ROBO2: variants seen among roughly 807,000 people sequenced by gnomAD.
The protein encoded by ROBO2 is roundabout homolog 2.
Under a neutral mutation model 160.8 loss-of-function variants are expected in ROBO2, and 53 were observed. The observed-to-expected ratio is 0.33, with a 90% confidence interval of 0.26 to 0.41. The LOEUF is 0.41. Ranked by LOEUF, ROBO2 falls within the 10% of genes least tolerant of loss-of-function variation. ROBO2 has a pLI of 1.00. For synonymous variants in ROBO2, 664 were observed against 611.7 expected (o/e 1.09, Z -1.26); for missense variants, 1,577 against 1,722.4 (o/e 0.92, Z 1.49).
At chr3:77,202,464 C>T (rs1036438657) in intron 2 of ROBO2, among the ~76,000 whole-genome samples, 30 of 152,074 alleles carry the variant, frequency 2.0e-4, no homozygotes, top group African/African-American at 7.0e-4. Flanking sequence ...CATCTGTCAT[C>T]CTTTTCATTA....
intron 2 of ROBO2, among the ~76,000 whole-genome samples, chr3:76,440,144 G>T (rs10222507): frequency 0.061 from 9,252 of 152,144 alleles, 959 homozygotes; most frequent in African/African-American, 0.21. Context: ...GAAATGATGT[G>T]GGGGGAAAGC....
intron 2 of ROBO2, among the ~76,000 whole-genome samples, chr3:76,897,198 T>C (rs1217863259): frequency 1.3e-5 from 2 of 152,170 alleles, no homozygotes; most frequent in Non-Finnish European, 2.9e-5. Flanking sequence ...TGAAACAGGA[T>C]TGAAATTTAG....
In ROBO2 at chr3:77,602,636, TTGAG is replaced by T. The variant is rs2094451118; in HGVS notation, c.3136+147_3136+150del. The T allele has an allele frequency of 5.1e-6, 5 of 983,302 alleles. No individual in the cohort carries two copies. The Admixed American group carries it at 8.0e-5, about 16-fold the overall frequency. 60.9% of individuals were successfully genotyped at this position (983,302 alleles called of 1,614,324 possible). On this transcript the variant is annotated intron_variant, in intron 20 of 25. Transcript: ENST00000461745. Reference sequence around the variant, plus strand: ...AAGATACCAGCATGTTTCCAGTAACTTGAGTAATTCCTACCACCACCACCGCCAC... The same window carrying T: ...AAGATACCAGCATGTTTCCAGTAACTTAATTCCTACCACCACCACCGCCAC...
Position 76,162,044 on chromosome 3 carries a change from T to C in ROBO2, c.109+224442T>C, listed in dbSNP as rs182094758. Among the ~76,000 whole-genome samples, 163 of 152,322 alleles carry C rather than the reference T, an allele frequency of 1.1e-3. 1 individual carries two copies. Among genetic ancestry groups the C allele is most frequent in the African/African-American group, 3.8e-3 (159 of 41,580 alleles). ...CTTTAGTTCTGATAGCCTTGAGCTC[T>C]TGCTACCATGAGTCATGACTGAAAA... On this transcript the variant is annotated intron_variant, in intron 2 of 26. Coordinates refer to the ROBO2 transcript ENST00000487694.
intron 2 of ROBO2, among the ~76,000 whole-genome samples, chr3:76,625,793 G>C (rs1399150583): frequency 6.6e-6 from 1 of 152,182 alleles, no homozygotes; most frequent in Admixed American, 6.5e-5. Context: ...TACAGGACTT[G>C]TAAGCCAATA....
chr3:77,043,622 T>C (rs1213569107), intron 1 of ROBO2, among the ~76,000 whole-genome samples: 3 of 152,190 alleles, frequency 2.0e-5, no homozygotes, highest in Non-Finnish European at 4.4e-5. Flanking sequence ...TTCTGTATGA[T>C]CATATAGGAG....
intron 2 of ROBO2, among the ~76,000 whole-genome samples, chr3:76,683,570 G>T (rs1306382608): frequency 6.6e-6 from 1 of 151,204 alleles, no homozygotes; most frequent in Non-Finnish European, 1.5e-5. Flanking sequence ...TGGTTCTCCA[G>T]TTGATTACAA....
chr3:76,861,869 A>T (rs2070818610), intron 2 of ROBO2, among the ~76,000 whole-genome samples: 1 of 152,216 alleles, frequency 6.6e-6, no homozygotes. Context: ...CTGCTGTGTC[A>T]TAAGAAAGAG....
At chr3:76,297,716 A>AG (rs1709148047) in intron 2 of ROBO2, among the ~76,000 whole-genome samples, 2 of 150,816 alleles carry the variant, frequency 1.3e-5, no homozygotes, top group South Asian at 4.2e-4. Flanking sequence ...TAAAAAAAAA[A>AG]AAAAAAAAAA....
At chr3:76,604,872 A>G (rs1423561076) in intron 2 of ROBO2, among the ~76,000 whole-genome samples, 4 of 152,160 alleles carry the variant, frequency 2.6e-5, no homozygotes, top group Non-Finnish European at 5.9e-5. Flanking sequence ...GCTCAACTTT[A>G]TCTCTAGGAA....
intron 2 of ROBO2, among the ~76,000 whole-genome samples, chr3:76,324,043 C>G (rs1262183409): frequency 6.6e-6 from 1 of 152,156 alleles, no homozygotes; most frequent in Non-Finnish European, 1.5e-5. Flanking sequence ...AACTTCAATA[C>G]AATGATCTAT....
At chr3:77,321,964 C>A (rs1034153181) in intron 2 of ROBO2, among the ~76,000 whole-genome samples, 1 of 152,060 alleles carries the variant, frequency 6.6e-6, no homozygotes, top group Non-Finnish European at 1.5e-5. Flanking sequence ...GCACATAGCA[C>A]CATGGGAAGT....
At chr3:76,999,502 G>A in intron 2 of ROBO2, among the ~76,000 whole-genome samples, 1 of 152,118 alleles carries the variant, frequency 6.6e-6, no homozygotes, top group Admixed American at 6.6e-5. Flanking sequence ...TTCTTTTGGT[G>A]TAGGACTCCT....
intron 2 of ROBO2, among the ~76,000 whole-genome samples, chr3:77,174,190 T>G (rs2079911055): frequency 6.6e-6 from 1 of 152,036 alleles, no homozygotes. Flanking sequence ...ATTAACTGAG[T>G]CCTGGGTGTC....
intron 2 of ROBO2, among the ~76,000 whole-genome samples, chr3:77,385,121 C>G (rs1008893371): frequency 6.6e-6 from 1 of 152,302 alleles, no homozygotes; most frequent in South Asian, 2.1e-4. Flanking sequence ...CCTCCGCCTC[C>G]GGAGTTCAAA....
At chr3:77,357,018 G>T in intron 2 of ROBO2, among the ~76,000 whole-genome samples, 1 of 152,174 alleles carries the variant, frequency 6.6e-6, no homozygotes, top group East Asian at 1.9e-4. Flanking sequence ...GGAACAGGGT[G>T]CTACCGTTGT....
chr3:76,869,340 A>ATCTTTTTTTTTTTTTTTT, intron 2 of ROBO2, among the ~76,000 whole-genome samples: 1 of 108,140 alleles, frequency 9.2e-6, no homozygotes, highest in African/African-American at 3.6e-5. Context: ...GTAGAAATTG[A>ATCTTTTTTTTTTTTTTTT]TGTTTTTTTT....
At chr3:77,318,740 A>G (rs1284283435) in intron 2 of ROBO2, among the ~76,000 whole-genome samples, 4 of 152,156 alleles carry the variant, frequency 2.6e-5, no homozygotes, top group Admixed American at 6.5e-5. Flanking sequence ...CCTAAATACA[A>G]TGCCTAGGAT....
intron 2 of ROBO2, among the ~76,000 whole-genome samples, chr3:77,274,286 T>C (rs2059686465): frequency 6.6e-6 from 1 of 152,178 alleles, no homozygotes; most frequent in Admixed American, 6.5e-5. Context: ...TAAGAAGCAC[T>C]AAAGCCAAAT....
Sources: allele counts gnomAD v4.1 joint callset (sites outside exome capture counted in the v4.1 genomes callset), GRCh38; gene constraint gnomAD v4.1.1; transcripts MANE v1.5; gene names NCBI Gene and HGNC (gene_info 2026-07-23, HGNC 2026-07-21).